The following RASGRF2 variants were observed in gnomAD, a reference collection of about 807,000 sequenced individuals.
RASGRF2 encodes Ras protein specific guanine nucleotide releasing factor 2, also known as ras-specific guanine nucleotide-releasing factor 2.
A neutral mutation model predicts 151.0 loss-of-function variants in RASGRF2; 76 were observed. The observed-to-expected ratio is 0.50, with a 90% confidence interval of 0.42 to 0.61. The LOEUF (loss-of-function observed/expected upper bound fraction) is 0.61. Ranked by LOEUF, RASGRF2 falls within the 20% of genes least tolerant of loss-of-function variation. RASGRF2 has a pLI of 0.00. For missense variants in RASGRF2, 1,148 were observed against 1,564.6 expected, an observed-to-expected ratio of 0.73 and a Z score of 4.49; for synonymous variants, 504 against 566.5, an observed-to-expected ratio of 0.89 and a Z score of 1.57.
intron 12 of RASGRF2, among the ~76,000 whole-genome samples, chr5:81,101,442 G>A (rs1156412593): frequency 6.6e-6 from 1 of 151,240 alleles, no homozygotes; most frequent in South Asian, 2.1e-4. Context: ...TTCTCTGGTT[G>A]AAATAAAATT....
intron 17 of RASGRF2, among the ~76,000 whole-genome samples, chr5:81,143,889 G>GAAAAAAAAAA (rs5869072): frequency 7.9e-6 from 1 of 126,810 alleles, no homozygotes. Flanking sequence ...AAATGTCTCA[G>GAAAAAAAAAA]AAAAAAAAAA....
At chr5:81,072,772 CTT>C (rs1266896296) in intron 4 of RASGRF2, among the ~76,000 whole-genome samples, 2 of 152,168 alleles carry the variant, frequency 1.3e-5, no homozygotes, top group Admixed American at 6.6e-5. Flanking sequence ...GACTGGAACT[CTT>C]GGGCTCAAGT....
rs374890458 is a variant in RASGRF2, at chr5:80,961,148, C to G, written c.288+122C>G. On this transcript the variant is annotated intron_variant, in intron 1 of 26. Transcript: ENST00000265080. Reference sequence around the variant, plus strand: ...TGCGGGGACTATGCTCCGAAATCCCCCCGCGTCACCAGTGGCGGGACATCT... The same window carrying G: ...TGCGGGGACTATGCTCCGAAATCCCGCCGCGTCACCAGTGGCGGGACATCT... 123 of 1,149,546 alleles carry G rather than the reference C, an allele frequency of 1.1e-4. No individual in the cohort carries two copies. In the East Asian group the frequency reaches 1.6e-3, roughly 15 times the overall value. 71.2% of individuals were successfully genotyped at this position (1,149,546 alleles called of 1,614,324 possible).
intron 18 of RASGRF2, 146 bp from the exon 19 acceptor site, chr5:81,201,184 C>G: frequency 7.7e-7 from 1 of 1,303,320 alleles, no homozygotes; most frequent in Non-Finnish European, 1.0e-6. Context: ...AAATCGGGAC[C>G]CTAGGTGTGG....
chr5:80,980,502 C>A (rs1197606402), intron 1 of RASGRF2, among the ~76,000 whole-genome samples: 1 of 152,066 alleles, frequency 6.6e-6, no homozygotes, highest in African/African-American at 2.4e-5. Flanking sequence ...ATTAGCCAGG[C>A]ATGGTGGTGC....
intron 1 of RASGRF2, among the ~76,000 whole-genome samples, chr5:81,031,848 A>C (rs532190423): frequency 8.5e-5 from 13 of 152,330 alleles, no homozygotes; most frequent in African/African-American, 2.9e-4. Context: ...TCAAAAAATC[A>C]ATGAATCCAG....
intron 1 of RASGRF2, among the ~76,000 whole-genome samples, chr5:81,041,001 G>A (rs868178268): frequency 1.2e-4 from 18 of 152,150 alleles, no homozygotes; most frequent in African/African-American, 4.3e-4. Flanking sequence ...GTTCAATTAC[G>A]ACTTAAAAAT....
intron 18 of RASGRF2, among the ~76,000 whole-genome samples, chr5:81,189,754 C>T (rs1237937441): frequency 2.0e-5 from 3 of 148,496 alleles, no homozygotes; most frequent in Non-Finnish European, 4.4e-5. Context: ...GCTCTGTCTC[C>T]ATGCTGGAGT....
intron 1 of RASGRF2, among the ~76,000 whole-genome samples, chr5:81,032,600 T>A (rs1323233574): frequency 6.6e-6 from 1 of 152,190 alleles, no homozygotes; most frequent in Non-Finnish European, 1.5e-5. Context: ...TCAACAGCTC[T>A]TCATGCTAAA....
At chr5:81,122,852 T>A (rs1580337395) in intron 15 of RASGRF2, among the ~76,000 whole-genome samples, 1 of 152,180 alleles carries the variant, frequency 6.6e-6, no homozygotes, top group Non-Finnish European at 1.5e-5. Flanking sequence ...CCTAAAATGA[T>A]GTGTGTGTTA....
chr5:81,171,080 C>T (rs1007623837), intron 17 of RASGRF2, among the ~76,000 whole-genome samples: 2 of 152,096 alleles, frequency 1.3e-5, no homozygotes, highest in African/African-American at 2.4e-5. Flanking sequence ...TTTTCATCCT[C>T]CCTTATTAAC....
At chr5:81,076,926 A>T (rs1414712563) in intron 5 of RASGRF2, among the ~76,000 whole-genome samples, 1 of 152,214 alleles carries the variant, frequency 6.6e-6, no homozygotes, top group African/African-American at 2.4e-5. Context: ...AGCTGCATGG[A>T]TGCAGGTGCA....
chr5:81,186,178 G>A (rs1305285178), intron 18 of RASGRF2, among the ~76,000 whole-genome samples: 1 of 152,118 alleles, frequency 6.6e-6, no homozygotes, highest in Non-Finnish European at 1.5e-5. Flanking sequence ...CAGTTAACAT[G>A]CTTTTTGGCA....
chr5:81,202,227 G>A lies in RASGRF2; in HGVS notation c.2906+785G>A, dbSNP rs142304603. 4.6e-5 allele frequency among the ~76,000 whole-genome samples: 7 copies of A among 152,148 alleles called. No homozygotes were observed. In the South Asian group the frequency reaches 1.0e-3, roughly 22 times the overall value. Reference sequence around the variant, plus strand: ...TCACTCATAAGTACGTCCTCTGTCCGTGCTTGGGGATGGGAAGCCCAGCAT... The same window carrying A: ...TCACTCATAAGTACGTCCTCTGTCCATGCTTGGGGATGGGAAGCCCAGCAT... On this transcript the variant is annotated intron_variant, in intron 19 of 26. Transcript: ENST00000265080.
intron 18 of RASGRF2, among the ~76,000 whole-genome samples, chr5:81,199,704 C>T (rs1755343179): frequency 6.6e-6 from 1 of 151,974 alleles, no homozygotes; most frequent in Admixed American, 6.6e-5. Context: ...TTGAGACCAG[C>T]CTGGCCAACA....
chr5:81,156,639 C>A lies in RASGRF2; in HGVS notation c.2687-23536C>A, dbSNP rs979693127. On this transcript the variant is annotated intron_variant, in intron 17 of 26. Transcript: ENST00000265080. ...ATAAAACATTGCAAAATATTTAATACCCATTCAATAAAGTAGGAATAGAAT... is the reference window on the plus strand; with the variant it reads ...ATAAAACATTGCAAAATATTTAATAACCATTCAATAAAGTAGGAATAGAAT... Among the ~76,000 whole-genome samples, 12 of 152,004 alleles carry A rather than the reference C, an allele frequency of 7.9e-5. No homozygotes were observed. In the South Asian group the frequency reaches 1.2e-3, roughly 16 times the overall value.
intron 1 of RASGRF2, among the ~76,000 whole-genome samples, chr5:80,980,219 T>A (rs564143317): frequency 6.6e-6 from 1 of 152,352 alleles, no homozygotes; most frequent in Admixed American, 6.5e-5. Flanking sequence ...CTGTCTTGCC[T>A]CCTCGGACTG....
intron 1 of RASGRF2, among the ~76,000 whole-genome samples, chr5:80,995,693 C>CCCTT (rs58481061): frequency 4.1e-5 from 4 of 97,336 alleles, no homozygotes; most frequent in Non-Finnish European, 8.1e-5. Context: ...TTCCCCCCCC[C>CCCTT]TTTTTTTTTT....
chr5:81,073,768 A>G (rs948540906), intron 5 of RASGRF2, among the ~76,000 whole-genome samples: 29 of 152,030 alleles, frequency 1.9e-4, no homozygotes, highest in African/African-American at 2.7e-4. Flanking sequence ...ACAGGCGCCC[A>G]CCACCACACC....
Sources: gnomAD v4.1 joint callset for allele counts (sites outside exome capture counted in the v4.1 genomes callset) on GRCh38, gnomAD v4.1.1 for gene constraint, MANE v1.5 for transcripts, NCBI Gene and HGNC (gene_info 2026-07-23, HGNC 2026-07-21) for gene names.